TTLL7: variants seen among roughly 807,000 people sequenced by gnomAD.
TTLL7 encodes tubulin polyglutamylase TTLL7.
In TTLL7, 53 loss-of-function variants were observed where a neutral mutation model predicts 120.2. The ratio of observed to expected loss-of-function variants is 0.44; its 90% CI spans 0.35 to 0.55. The LOEUF (loss-of-function observed/expected upper bound fraction) is 0.55, where lower values mean the gene tolerates loss of function less well. Ranked by LOEUF, TTLL7 falls within the 20% of genes least tolerant of loss-of-function variation. The probability of loss-of-function intolerance (pLI) is 0.00; values close to 1 mark genes in which losing one functional copy is unlikely to be tolerated. For synonymous variants in TTLL7, 353 were observed against 351.7 expected (o/e 1.00, Z -0.04); for missense variants, 803 against 1,054.7 (o/e 0.76, Z 3.31).
Position 83,948,667 on chromosome 1 carries a change from T to G in TTLL7, c.308A>C (p.Glu103Ala). ...QRINHFPGMG[E>A]ICRKDFLARN... ...TGCTAAGAAATCCTTCCTACAGATC[T>G]CCCCCATTCCTGGAAAATGGTTGAT... Residue 103 changes from glutamate (E) to alanine (A), a missense_variant, in exon 5 of 21, where the codon GAG becomes GCG. By Grantham distance (107) the Glu-to-Ala change is moderately radical. Around this residue, in one of 3 missense-constraint regions of TTLL7, gnomAD observed 324 missense variants for 507.7 expected, o/e 0.64. Transcript: ENST00000260505. The G allele has an allele frequency of 6.2e-7, 1 of 1,609,934 alleles. No individual in the cohort carries two copies.
intron 1 of TTLL7, among the ~76,000 whole-genome samples, chr1:83,954,063 AT>A (rs777728721): frequency 6.6e-6 from 1 of 152,212 alleles, no homozygotes; most frequent in Non-Finnish European, 1.5e-5. Context: ...GGAAGTAACT[AT>A]TTGAGTTTAC....
intron 1 of TTLL7, among the ~76,000 whole-genome samples, chr1:83,964,783 T>C (rs1365993880): frequency 1.3e-5 from 2 of 152,144 alleles, no homozygotes; most frequent in Non-Finnish European, 2.9e-5. Flanking sequence ...CAGTTGACCC[T>C]AGGTATTGAT....
chr1:83,979,238 G>A (rs1227097877), intron 1 of TTLL7: 1 of 152,190 alleles, frequency 6.6e-6, no homozygotes, highest in Non-Finnish European at 1.5e-5. Context: ...TAGTAGGCAA[G>A]GGGCTAGGGA....
chr1:83,938,039 T>G lies in TTLL7; in HGVS notation c.724-23A>C, dbSNP rs764686427. 5.4e-5 allele frequency: 87 copies of G among 1,612,432 alleles called. No homozygotes were observed. In the Middle Eastern group the frequency reaches 8.2e-4, roughly 15 times the overall value. On this transcript the variant is annotated intron_variant, in intron 7 of 20. Transcript: ENST00000260505. ...GGTCTGTAACAAGTAAGAACCAAAG[T>G]TGTTACCACCTATGACATCCTAGAA...
At chr1:83,893,185 TACTA>T (rs1257436941) in intron 18 of TTLL7, among the ~76,000 whole-genome samples, 9 of 151,754 alleles carry the variant, frequency 5.9e-5, no homozygotes, top group Admixed American at 2.6e-4. Context: ...CACTAAATAA[TACTA>T]AATAAAAGCA....
intron 19 of TTLL7, chr1:83,884,948 G>A (rs1654859039): frequency 6.4e-6 from 1 of 155,356 alleles, no homozygotes; most frequent in Non-Finnish European, 1.4e-5. Context: ...TTAAGAAACA[G>A]TAATTCGACG....
intron 6 of TTLL7, among the ~76,000 whole-genome samples, chr1:83,944,618 G>A (rs1283646569): frequency 1.3e-5 from 2 of 152,174 alleles, no homozygotes; most frequent in Non-Finnish European, 2.9e-5. Context: ...TGGGGAAGGA[G>A]AGTCACTTGA....
chr1:83,977,439 A>G (rs1651592588), intron 1 of TTLL7, among the ~76,000 whole-genome samples: 1 of 137,632 alleles, frequency 7.3e-6, no homozygotes, highest in African/African-American at 2.9e-5. Context: ...AACATGGAGG[A>G]AAAAAAAAAT....
At chr1:83,967,005 A>T (rs1476866434) in intron 1 of TTLL7, among the ~76,000 whole-genome samples, 1 of 152,154 alleles carries the variant, frequency 6.6e-6, no homozygotes, top group Admixed American at 6.5e-5. Context: ...AAGTTTACAG[A>T]ATGCCTTAAT....
intron 15 of TTLL7, among the ~76,000 whole-genome samples, chr1:83,909,199 T>C (rs1016795352): frequency 4.0e-5 from 6 of 151,230 alleles, no homozygotes; most frequent in African/African-American, 1.5e-4. Flanking sequence ...TTTGGTTGTA[T>C]ATAACCTGAT....
intron 18 of TTLL7, among the ~76,000 whole-genome samples, chr1:83,892,913 A>AAG (rs1164362801): frequency 1.0e-5 from 1 of 97,966 alleles, no homozygotes; most frequent in Non-Finnish European, 1.8e-5. Flanking sequence ...AGGAAAAAGA[A>AAG]AAAAGAAAGA....
rs1310933058 is a variant in TTLL7 at position 83,892,429 on chromosome 1, C to T, written c.2209-1948G>A. ...ACATATATATGAACATATATATGAA[C>T]ATATATATGAACATATGAATGAACA... On this transcript the variant is annotated intron_variant, in intron 18 of 20. Transcript: ENST00000260505. Among the ~76,000 whole-genome samples, 24 of 114,340 alleles carry T rather than the reference C, an allele frequency of 2.1e-4. 1 individual carries two copies. The highest frequency in any genetic ancestry group is 5.3e-4 in the South Asian group (2 of 3,750). 75.0% of individuals were successfully genotyped at this position (114,340 alleles called of 152,430 possible).
At position 83,870,033 on chromosome 1, in the gene TTLL7, T is replaced by G. The variant is rs753799151; in HGVS notation, c.2593A>C (p.Asn865His). 5 of 1,586,586 alleles carry G rather than the reference T, an allele frequency of 3.2e-6. No homozygotes were observed. The South Asian group carries it at 5.8e-5, about 19-fold the overall frequency. ...ATTCCAGGTGAATTGTACTTCAAGT[T>G]GTAGGTTGGTGTTCTCAAGAAGAAT... ...TQFFLRTPTY[N>H]LKYNSPGMTR... is the part of the protein sequence containing the mutation. The change falls in exon 21 of 21, where the codon AAC (asparagine) becomes CAC (histidine). Residue 865 changes from asparagine (N) to histidine (H), a missense_variant. Around this residue, in one of 3 missense-constraint regions of TTLL7, gnomAD observed 388 missense variants for 450.4 expected, o/e 0.86. Transcript: ENST00000260505.
At chr1:83,989,112 T>C (rs1460454360) in intron 1 of TTLL7, among the ~76,000 whole-genome samples, 1 of 152,216 alleles carries the variant, frequency 6.6e-6, no homozygotes, top group East Asian at 1.9e-4. Context: ...GCAGGCATTT[T>C]CTCCCATTCT....
rs186510580 is a variant in TTLL7, at chr1:83,999,120, G to T, written c.-366C>A. On this transcript the variant is annotated 5_prime_UTR_variant, in exon 1 of 21. Transcript: ENST00000260505. ...GCTCGGGACTCCGGTGCTCGACGCG[G>T]AGTGCCTGGAACAGCTGTCGCTGCC... 1,902 of 437,256 alleles carry T rather than the reference G, an allele frequency of 4.3e-3. 9 individuals are homozygous for T. The highest frequency in any genetic ancestry group is 0.015 in the Admixed American group (607 of 41,006). The allele number at this position is 437,256 out of a possible 1,614,324, so 27.1% of individuals were successfully genotyped here.
In TTLL7 at chr1:83,923,982, T is replaced by A. The variant is rs117165190; in HGVS notation, c.1143-2588A>T. On this transcript the variant is annotated intron_variant, in intron 10 of 20. Transcript: ENST00000260505. The stretch of plus-strand genomic sequence containing the variant: ...AGGAATGTGGAACCACTAGAAGTTC[T>A]ATGAGCTTGTTTTGCTCTGTCTCAC... 9.8e-5 allele frequency among the ~76,000 whole-genome samples: 15 copies of A among 152,306 alleles called. 1 individual carries two copies. In the East Asian group the frequency reaches 2.9e-3, roughly 29 times the overall value.
Position 83,970,372 on chromosome 1 carries a change from G to A in TTLL7, c.-176-17985C>T, listed in dbSNP as rs377440192. Among the ~76,000 whole-genome samples, 65 of 152,118 alleles carry A rather than the reference G, an allele frequency of 4.3e-4. 1 individual carries two copies. In the South Asian group the frequency reaches 0.013, roughly 30 times the overall value. ...TACAGTACAGGTTATATTTGTATGA[G>A]GTGCTATTCACACCCAAATGAGAGA... On this transcript the variant is annotated intron_variant, in intron 1 of 20. Transcript: ENST00000260505.
rs1418247784 is a variant in TTLL7, at chr1:83,866,214, G to GT, written c.*3747dup. 1 of 151,672 alleles carries GT rather than the reference G, an allele frequency of 6.6e-6. No individual in the cohort carries two copies. The highest frequency in any genetic ancestry group is 1.5e-5 in the Non-Finnish European group (1 of 67,716). 9.4% of individuals were successfully genotyped at this position (151,672 alleles called of 1,614,324 possible). A position where few individuals can be genotyped will look rare whatever the true frequency, so the allele number is the denominator to read the frequency against. ...AATACACATTTAAGAATGAATCAAT[G>GT]TTTTTTAGAAAATCAAATAATGGCA... On this transcript the variant is annotated 3_prime_UTR_variant, in exon 21 of 21. Transcript: ENST00000260505.
chr1:83,978,470 A>G (rs573469696), intron 1 of TTLL7, among the ~76,000 whole-genome samples: 1 of 152,330 alleles, frequency 6.6e-6, no homozygotes, highest in East Asian at 1.9e-4. Flanking sequence ...CATCCTCTAG[A>G]ATGGCATACT....
Sources: gnomAD v4.1 joint callset for allele counts (sites outside exome capture counted in the v4.1 genomes callset) on GRCh38, gnomAD v4.1.1 for gene constraint, gnomAD v4.1.1 regional missense constraint, MANE v1.5 for transcripts, NCBI Gene and HGNC (gene_info 2026-07-23, HGNC 2026-07-21) for gene names.